MACROD1: variants seen among roughly 807,000 people sequenced by gnomAD.
The protein encoded by MACROD1 is mono-ADP ribosylhydrolase 1.
MACROD1 carries 31 observed loss-of-function variants against 41.4 expected under a neutral mutation model. The ratio of observed to expected loss-of-function variants is 0.75; its 90% CI spans 0.56 to 1.01. The LOEUF is 1.01. MACROD1 is among the 50% of genes least tolerant of loss of function. The pLI is 0.00. For missense variants in MACROD1, 473 were observed against 460.0 expected (o/e 1.03, Z -0.26); for synonymous variants, 252 against 203.4 (o/e 1.24, Z -2.03).
chr11:64,035,294 C>A (rs1943351734), intron 3 of MACROD1, among the ~76,000 whole-genome samples: 1 of 152,052 alleles, frequency 6.6e-6, no homozygotes, highest in African/African-American at 2.4e-5. Flanking sequence ...ATGAGAGGGT[C>A]TGCCCAGGGA....
chr11:64,031,450 G>A (rs1943292879), intron 3 of MACROD1, among the ~76,000 whole-genome samples: 1 of 144,324 alleles, frequency 6.9e-6, no homozygotes, highest in Admixed American at 6.8e-5. Flanking sequence ...AGCTGCTGGA[G>A]CCTGCCTGCC....
rs1185459979 is a variant in MACROD1, at chr11:64,123,259, C to G, written c.517+27980G>C. Among the ~76,000 whole-genome samples the G allele has an allele frequency of 1.2e-4, 18 of 152,330 alleles. 1 individual carries two copies. In the East Asian group the frequency reaches 3.5e-3, roughly 30 times the overall value. The stretch of plus-strand genomic sequence containing the variant: ...TGGCACAGGTGACGGTGGCTGCTGC[C>G]TGCCCCTGGATGGGCGCCAGGGCAA... On this transcript the variant is annotated intron_variant, in intron 3 of 10. Transcript: ENST00000255681.
intron 3 of MACROD1, among the ~76,000 whole-genome samples, chr11:64,084,146 T>A (rs1024455934): frequency 2.6e-5 from 4 of 152,126 alleles, no homozygotes; most frequent in Non-Finnish European, 5.9e-5. Context: ...TGTACATGAG[T>A]GCATGGCACG....
intron 3 of MACROD1, among the ~76,000 whole-genome samples, chr11:64,017,026 G>C (rs1285719203): frequency 6.6e-6 from 1 of 152,192 alleles, no homozygotes; most frequent in African/African-American, 2.4e-5. Context: ...CTGGAGTGCA[G>C]TGGCACCATC....
chr11:64,058,316 T>A (rs755220634), intron 3 of MACROD1, among the ~76,000 whole-genome samples: 5 of 152,238 alleles, frequency 3.3e-5, no homozygotes, highest in Non-Finnish European at 7.3e-5. Context: ...TTGGTGCCCA[T>A]CTCAGCCCCC....
At chr11:64,127,696 G>C (rs989922963) in intron 3 of MACROD1, among the ~76,000 whole-genome samples, 3 of 152,238 alleles carry the variant, frequency 2.0e-5, no homozygotes, top group Non-Finnish European at 4.4e-5. Flanking sequence ...TCTACATGGA[G>C]AAGTATGTGT....
chr11:64,121,712 C>T (rs187631311), intron 3 of MACROD1, among the ~76,000 whole-genome samples: 6 of 152,348 alleles, frequency 3.9e-5, no homozygotes, highest in African/African-American at 9.6e-5. Context: ...TAAATTCTCC[C>T]GGGCTCCCGT....
chr11:64,116,646 C>T (rs1470446405), intron 3 of MACROD1: 12 of 1,613,936 alleles, frequency 7.4e-6, no homozygotes, highest in African/African-American at 1.3e-5. Context: ...CAACCTGCCC[C>T]GCTCCCTCCG....
In MACROD1 at chr11:64,096,014, C is replaced by T. The variant is rs1258029877; in HGVS notation, c.517+55225G>A. On this transcript the variant is annotated intron_variant, in intron 3 of 10. Coordinates refer to ENST00000255681, the MANE Select transcript of MACROD1 (RefSeq NM_014067.4). This position sits in a 1 kb window ranked among gnomAD's most constrained non-coding sequence, Gnocchi z 4.6. Reference sequence around the variant, plus strand: ...GCCCATGAGCCTGCAGGATATGTCGCGCTGCAGCCAGCACAGTGCTGCTTC... The same window carrying T: ...GCCCATGAGCCTGCAGGATATGTCGTGCTGCAGCCAGCACAGTGCTGCTTC... Among the ~76,000 whole-genome samples the T allele has an allele frequency of 2.6e-5, 4 of 152,200 alleles. No individual in the cohort carries two copies. Among genetic ancestry groups the T allele is most frequent in the South Asian group, 2.1e-4 (1 of 4,836 alleles).
chr11:64,148,980 C>T, intron 3 of MACROD1: 1 of 985,366 alleles, frequency 1.0e-6, no homozygotes, highest in South Asian at 4.7e-5. Flanking sequence ...CAGACCCTGC[C>T]TCCGTCATTC....
At chr11:64,027,780 G>A (rs184018418) in intron 3 of MACROD1, among the ~76,000 whole-genome samples, 1 of 152,226 alleles carries the variant, frequency 6.6e-6, no homozygotes, top group African/African-American at 2.4e-5. Flanking sequence ...GGATCCTCCC[G>A]GGGCCCCCAG....
At chr11:64,113,871 C>CATGGATGGAAGG (rs572595392) in intron 3 of MACROD1, among the ~76,000 whole-genome samples, 1,302 of 77,870 alleles carry the variant, frequency 0.017, 30 homozygotes, top group Middle Eastern at 0.061. Flanking sequence ...TGGATTGATA[C>CATGGATGGAAGG]ATGGATGGAT....
At position 63,998,592 on chromosome 11, in the gene MACROD1, G is replaced by C. The variant is rs1203966704; in HGVS notation, c.*126C>G. The C allele has an allele frequency of 7.9e-7, 1 of 1,264,058 alleles. No homozygotes were observed. Among genetic ancestry groups the C allele is most frequent in the Non-Finnish European group, 1.0e-6 (1 of 1,001,958 alleles). The allele number at this position is 1,264,058 out of a possible 1,614,324, so 78.3% of individuals were successfully genotyped here. A position where few individuals can be genotyped will look rare whatever the true frequency, so the allele number is the denominator to read the frequency against. On this transcript the variant is annotated 3_prime_UTR_variant, in exon 11 of 11. Coordinates refer to ENST00000255681, the MANE Select transcript of MACROD1 (RefSeq NM_014067.4). Reference sequence around the variant, plus strand: ...GAGATCTTTATTAGGCTCCTCGGGGGCGGGGCGCGGAGGGAAAGAAGGGGT... The same window carrying C: ...GAGATCTTTATTAGGCTCCTCGGGGCCGGGGCGCGGAGGGAAAGAAGGGGT...
intron 3 of MACROD1, among the ~76,000 whole-genome samples, chr11:64,108,994 C>G (rs749265735): frequency 2.0e-5 from 3 of 152,082 alleles, no homozygotes; most frequent in Non-Finnish European, 4.4e-5. Flanking sequence ...GGAGACGTGA[C>G]CAGCATCCAT....
At chr11:64,157,729 G>T (rs533063373) in intron 1 of MACROD1, among the ~76,000 whole-genome samples, 153 of 152,296 alleles carry the variant, frequency 1.0e-3, no homozygotes, top group Non-Finnish European at 1.5e-3. Context: ...GTGTCTTTAT[G>T]GCACTTTGCA....
At chr11:64,035,930 C>G (rs1373217004) in intron 3 of MACROD1, 1 of 146,964 alleles carries the variant, frequency 6.8e-6, no homozygotes, top group Non-Finnish European at 1.5e-5. Flanking sequence ...ACGCACCCCC[C>G]GCACTCCTCC....
rs570346962 is a variant in MACROD1, at chr11:64,041,338, C to T, written c.518-26057G>A. Reference sequence around the variant, plus strand: ...TCTTCTTGAACCATTCCTGCTGCCCCCCACCCCTCCACCCCCCGTGACGCC... The same window carrying T: ...TCTTCTTGAACCATTCCTGCTGCCCTCCACCCCTCCACCCCCCGTGACGCC... On this transcript the variant is annotated intron_variant, in intron 3 of 10. Transcript: ENST00000255681. Among the ~76,000 whole-genome samples the T allele has an allele frequency of 5.4e-4, 82 of 152,164 alleles. 2 individuals carry two copies. The South Asian group carries it at 0.016, about 29-fold the overall frequency.
chr11:64,038,306 G>A (rs1351466114), intron 3 of MACROD1, among the ~76,000 whole-genome samples: 1 of 152,246 alleles, frequency 6.6e-6, no homozygotes, highest in Non-Finnish European at 1.5e-5. Context: ...TCCCCTCTGG[G>A]ACCGGCTTCC....
At chr11:64,111,657 G>A (rs1421817748) in intron 3 of MACROD1, among the ~76,000 whole-genome samples, 1 of 152,154 alleles carries the variant, frequency 6.6e-6, no homozygotes, top group Non-Finnish European at 1.5e-5. Flanking sequence ...CCTGTGAAGG[G>A]GGGTGGGTGA....
Sources: gnomAD v4.1 joint callset for allele counts (sites outside exome capture counted in the v4.1 genomes callset) on GRCh38, gnomAD v4.1.1 for gene constraint, Gnocchi (gnomAD v3.1) non-coding constraint, MANE v1.5 for transcripts, NCBI Gene and HGNC (gene_info 2026-07-23, HGNC 2026-07-21) for gene names.